The following SORCS1 variants were observed in gnomAD, a reference collection of about 807,000 sequenced individuals.
SORCS1 encodes the protein VPS10 domain-containing receptor SorCS1.
In SORCS1, 60 loss-of-function variants were observed where a neutral mutation model predicts 146.1. The observed-to-expected ratio is 0.41, with a 90% CI of 0.33 to 0.51. The LOEUF is 0.51. Ranked by LOEUF, SORCS1 falls within the 20% of genes least tolerant of loss-of-function variation. The pLI is 0.21. For missense variants in SORCS1, 1,352 were observed against 1,487.6 expected (o/e 0.91, Z 1.50); for synonymous variants, 637 against 584.0 (o/e 1.09, Z -1.31).
At chr10:106,944,109 CACTG>C (rs1414666620) in intron 2 of SORCS1, among the ~76,000 whole-genome samples, 2 of 152,202 alleles carry the variant, frequency 1.3e-5, no homozygotes, top group African/African-American at 4.8e-5. Context: ...CTTCTTGTTT[CACTG>C]ACTACTTTGT....
At chr10:106,603,270 C>G (rs951047444) in intron 23 of SORCS1, among the ~76,000 whole-genome samples, 1 of 152,260 alleles carries the variant, frequency 6.6e-6, no homozygotes, top group African/African-American at 2.4e-5. Flanking sequence ...CAGCTGGCCT[C>G]AGGACAGCAG....
intron 2 of SORCS1, among the ~76,000 whole-genome samples, chr10:106,872,105 A>G (rs540261230): frequency 6.6e-6 from 1 of 152,368 alleles, no homozygotes; most frequent in Non-Finnish European, 1.5e-5. Flanking sequence ...CATATAAGTA[A>G]TTTTTAAAGG....
Position 106,706,641 on chromosome 10 carries a change from C to T in SORCS1, c.1144-7G>A. 6.2e-7 allele frequency: 1 copy of T among 1,613,796 alleles called. No individual in the cohort carries two copies. The highest frequency in any genetic ancestry group is 1.7e-5 in the Admixed American group (1 of 60,010). On this transcript the variant is annotated splice_polypyrimidine_tract_variant and splice_region_variant and intron_variant, in intron 7 of 25. Transcript: ENST00000263054. ...GCCGCCCTCCTGATGTCAGCTGGAT[C>T]ATAAAAACAAGACTGTAAGAAGCTC...
intron 3 of SORCS1, among the ~76,000 whole-genome samples, chr10:106,792,208 A>G (rs1589887337): frequency 6.6e-6 from 1 of 152,256 alleles, no homozygotes. Context: ...GAAGACAATT[A>G]AGAAATTAGA....
chr10:106,603,604 T>C (rs1458320658), intron 23 of SORCS1, among the ~76,000 whole-genome samples: 1 of 152,090 alleles, frequency 6.6e-6, no homozygotes, highest in African/African-American at 2.4e-5. Context: ...CCCAGTTCTT[T>C]CACTGCAGGG....
rs762550275 is a variant in SORCS1, at chr10:106,614,872, A to AT, written c.2921-2850dup. ...ATATTTTTTGCAGCTGTTGAGAGAG[A>AT]TAAAGTCTATACACTTGCGTATTTT... On this transcript the variant is annotated intron_variant, in intron 21 of 25. Transcript: ENST00000263054. 1.6e-3 allele frequency among the ~76,000 whole-genome samples: 244 copies of AT among 152,310 alleles called. 2 individuals carry two copies. Among genetic ancestry groups the AT allele is most frequent in the African/African-American group, 4.2e-3 (176 of 41,572 alleles).
At chr10:107,066,504 C>T (rs993818800) in intron 1 of SORCS1, among the ~76,000 whole-genome samples, 6 of 152,082 alleles carry the variant, frequency 3.9e-5, no homozygotes, top group African/African-American at 9.7e-5. Context: ...AGTGAAAAGC[C>T]GCCATCTGCT....
chr10:106,615,689 C>G (rs937857611), intron 21 of SORCS1, among the ~76,000 whole-genome samples: 6 of 152,024 alleles, frequency 3.9e-5, no homozygotes, highest in East Asian at 1.9e-4. Context: ...CTCAACTGAC[C>G]AAAGACAAAT....
At position 107,104,720 on chromosome 10, in the gene SORCS1, T is replaced by C. The variant is rs376590967; in HGVS notation, c.558+59249A>G. On this transcript the variant is annotated intron_variant, in intron 1 of 25. Coordinates refer to ENST00000263054, the MANE Select transcript of SORCS1 (RefSeq NM_052918.5). ...GGTATGAAAGAGCTCCCTTTTTTGC[T>C]CTGCCATCCTTTACCAAATTCCCTA... Among the ~76,000 whole-genome samples, 4 of 152,232 alleles carry C rather than the reference T, an allele frequency of 2.6e-5. No homozygotes were observed. The East Asian group carries it at 7.7e-4, about 29-fold the overall frequency.
At chr10:106,654,459 C>G (rs973751995) in intron 17 of SORCS1, among the ~76,000 whole-genome samples, 7 of 152,082 alleles carry the variant, frequency 4.6e-5, no homozygotes, top group Non-Finnish European at 2.9e-5. Context: ...TAAAAGAATC[C>G]TTACGATTTA....
At chr10:106,957,076 G>A (rs1221095903) in intron 1 of SORCS1, among the ~76,000 whole-genome samples, 1 of 151,898 alleles carries the variant, frequency 6.6e-6, no homozygotes, top group African/African-American at 2.4e-5. Flanking sequence ...GGGATGAACA[G>A]TAATGCTATC....
In SORCS1 at chr10:106,600,235, G is replaced by C; in HGVS notation, c.3166-2785C>G. ...CCCTTGTGAAAATAATTAACTACTT[G>C]GTTTTGTTTTGGTTTACAACATTGT... is the stretch of plus-strand genomic sequence containing the variant. On this transcript the variant is annotated intron_variant, in intron 23 of 25. Coordinates refer to ENST00000263054, the MANE Select transcript of SORCS1 (RefSeq NM_052918.5). 5.8e-6 allele frequency: 4 copies of C among 693,284 alleles called. No individual in the cohort carries two copies. In the South Asian group the frequency reaches 2.0e-4, roughly 34 times the overall value. The allele number at this position is 693,284 out of a possible 1,614,324, so 42.9% of individuals were successfully genotyped here.
chr10:106,983,319 T>C (rs1364797458), intron 1 of SORCS1, among the ~76,000 whole-genome samples: 1 of 150,586 alleles, frequency 6.6e-6, no homozygotes, highest in Admixed American at 6.6e-5. Context: ...GGAAGCAACA[T>C]ATTAATGGGT....
chr10:107,161,430 T>G (rs1969696766), intron 1 of SORCS1, among the ~76,000 whole-genome samples: 1 of 152,284 alleles, frequency 6.6e-6, no homozygotes, highest in East Asian at 1.9e-4. Context: ...CCCTCGGGTT[T>G]AAATTAGTGG....
chr10:106,813,003 T>C (rs1947548178), intron 3 of SORCS1, among the ~76,000 whole-genome samples: 2 of 152,324 alleles, frequency 1.3e-5, no homozygotes, highest in South Asian at 4.1e-4. Flanking sequence ...AATCATCATT[T>C]AGGGCAATGG....
chr10:106,651,480 G>A (rs1180957102), intron 18 of SORCS1, among the ~76,000 whole-genome samples: 1 of 152,116 alleles, frequency 6.6e-6, no homozygotes, highest in Non-Finnish European at 1.5e-5. Flanking sequence ...GTTTCCAAAT[G>A]CTCTCCAGGT....
intron 10 of SORCS1, among the ~76,000 whole-genome samples, chr10:106,684,816 C>A (rs1470405550): frequency 1.3e-5 from 2 of 152,214 alleles, no homozygotes; most frequent in African/African-American, 4.8e-5. Flanking sequence ...CTGCCACCAG[C>A]TCCCAAGCCT....
chr10:107,040,647 G>T (rs1218920975), intron 1 of SORCS1, among the ~76,000 whole-genome samples: 2 of 152,196 alleles, frequency 1.3e-5, no homozygotes, highest in Non-Finnish European at 2.9e-5. Context: ...AAATGATCAT[G>T]ATTAATATCA....
chr10:107,030,224 A>C (rs1221493737), intron 1 of SORCS1, among the ~76,000 whole-genome samples: 1 of 152,184 alleles, frequency 6.6e-6, no homozygotes, highest in Non-Finnish European at 1.5e-5. Flanking sequence ...GAAGCATAAT[A>C]ATAGCATTAT....
Sources: gnomAD v4.1 joint callset for allele counts (sites outside exome capture counted in the v4.1 genomes callset) on GRCh38, gnomAD v4.1.1 for gene constraint, MANE v1.5 for transcripts, NCBI Gene and HGNC (gene_info 2026-07-23, HGNC 2026-07-21) for gene names.